RANBP9: variants seen among roughly 807,000 people sequenced by gnomAD.
The protein encoded by RANBP9 is ran-binding protein 9.
In RANBP9, 15 loss-of-function variants were observed where a neutral mutation model predicts 84.3. The ratio of observed to expected loss-of-function variants is 0.18; its 90% confidence interval spans 0.12 to 0.27. The LOEUF is 0.27. Ranked by LOEUF, RANBP9 falls within the 10% of genes least tolerant of loss-of-function variation. RANBP9 has a pLI of 1.00. For missense variants in RANBP9, 809 were observed against 912.8 expected (o/e 0.89, Z 1.46); for synonymous variants, 392 against 349.6 (o/e 1.12, Z -1.35).
In RANBP9 at chr6:13,707,536, C is replaced by T. The variant is rs148685970; in HGVS notation, c.571+3399G>A. On this transcript the variant is annotated intron_variant, in intron 1 of 13. Coordinates refer to ENST00000011619, the MANE Select transcript of RANBP9 (RefSeq NM_005493.3). ...TTTTATCTACTTGAGATAATTAAGTCTCATATGAACTTAAAGAGGCAATAC... is the reference window on the plus strand; with the variant it reads ...TTTTATCTACTTGAGATAATTAAGTTTCATATGAACTTAAAGAGGCAATAC... Among the ~76,000 whole-genome samples, 502 of 152,198 alleles carry T rather than the reference C, an allele frequency of 3.3e-3. 8 individuals carry two copies. Among genetic ancestry groups the T allele is most frequent in the African/African-American group, 0.011 (467 of 41,530 alleles).
At chr6:13,698,051 C>T (rs918276339) in intron 1 of RANBP9, among the ~76,000 whole-genome samples, 1 of 152,154 alleles carries the variant, frequency 6.6e-6, no homozygotes, top group Non-Finnish European at 1.5e-5. Context: ...CCTTACCACA[C>T]ACTTGACCAA....
At chr6:13,669,178 G>A (rs1014999236) in intron 2 of RANBP9, among the ~76,000 whole-genome samples, 1 of 151,980 alleles carries the variant, frequency 6.6e-6, no homozygotes, top group African/African-American at 2.4e-5. Flanking sequence ...CAAAAGAAGT[G>A]TGAAATCTGA....
At chr6:13,646,027 G>A (rs1242202718) in intron 5 of RANBP9, among the ~76,000 whole-genome samples, 2 of 152,164 alleles carry the variant, frequency 1.3e-5, no homozygotes, top group African/African-American at 4.8e-5. Flanking sequence ...AATCAACAGA[G>A]CTAACAAGTT....
At chr6:13,644,300 T>C (rs1189237051) in intron 6 of RANBP9, among the ~76,000 whole-genome samples, 1 of 152,228 alleles carries the variant, frequency 6.6e-6, no homozygotes, top group Non-Finnish European at 1.5e-5. Context: ...CCTAACATCA[T>C]TTTATTTCCT....
At chr6:13,684,542 G>A (rs565667367) in intron 2 of RANBP9, among the ~76,000 whole-genome samples, 1 of 152,256 alleles carries the variant, frequency 6.6e-6, no homozygotes, top group African/African-American at 2.4e-5. Context: ...TCTCTAACCA[G>A]CTGGGTATAT....
rs1234363613 is a variant in RANBP9, at chr6:13,638,056, C to T, written c.1526-101G>A. 12 of 1,090,508 alleles carry T rather than the reference C, an allele frequency of 1.1e-5. No homozygotes were observed. In the South Asian group the frequency reaches 1.3e-4, roughly 12 times the overall value. The allele number at this position is 1,090,508 out of a possible 1,614,324, so 67.6% of individuals were successfully genotyped here. A position where few individuals can be genotyped will look rare whatever the true frequency, so the allele number is the denominator to read the frequency against. ...TGATTTTGTACTAAGACTTCTAGAA[C>T]GTAGGAGAGTCAATGGATGATGTAA... On this transcript the variant is annotated intron_variant, in intron 9 of 13. Coordinates refer to ENST00000011619, the MANE Select transcript of RANBP9 (RefSeq NM_005493.3).
At chr6:13,666,351 C>T (rs1357536292) in intron 2 of RANBP9, among the ~76,000 whole-genome samples, 1 of 151,898 alleles carries the variant, frequency 6.6e-6, no homozygotes, top group Non-Finnish European at 1.5e-5. Context: ...TATACAAAAT[C>T]ATGCAATAAA....
At chr6:13,702,441 T>G (rs1249002682) in intron 1 of RANBP9, among the ~76,000 whole-genome samples, 1 of 152,198 alleles carries the variant, frequency 6.6e-6, no homozygotes, top group Non-Finnish European at 1.5e-5. Context: ...TAATCAATTT[T>G]ATTTGTTAAA....
At chr6:13,659,990 CAG>C (rs771873273) in intron 2 of RANBP9, among the ~76,000 whole-genome samples, 6 of 152,142 alleles carry the variant, frequency 3.9e-5, no homozygotes, top group Non-Finnish European at 7.4e-5. Context: ...TAGAAAACCA[CAG>C]AATCTACCAA....
At chr6:13,636,595 T>C (rs1016365012) in intron 10 of RANBP9, among the ~76,000 whole-genome samples, 1 of 148,272 alleles carries the variant, frequency 6.7e-6, no homozygotes, top group African/African-American at 2.6e-5. Flanking sequence ...TGATCAATGA[T>C]AAAGTACCAA....
At chr6:13,692,175 C>T (rs1766334751) in intron 2 of RANBP9, among the ~76,000 whole-genome samples, 1 of 151,572 alleles carries the variant, frequency 6.6e-6, no homozygotes, top group African/African-American at 2.4e-5. Context: ...CTTCCAAAAA[C>T]AATGGGCTGG....
chr6:13,699,840 A>G (rs1004778514), intron 1 of RANBP9, among the ~76,000 whole-genome samples: 4 of 152,218 alleles, frequency 2.6e-5, no homozygotes, highest in Non-Finnish European at 5.9e-5. Context: ...AGCCTGAGCA[A>G]TAGAGTGAGA....
intron 2 of RANBP9, among the ~76,000 whole-genome samples, chr6:13,688,982 C>CG (rs1766261282): frequency 3.3e-5 from 1 of 29,958 alleles, no homozygotes; most frequent in Non-Finnish European, 7.3e-5. Context: ...CCCATCTCCA[C>CG]AAAAAAAAAA....
Position 13,708,961 on chromosome 6 carries a change from A to G in RANBP9, c.571+1974T>C, listed in dbSNP as rs143401133. ...AAGAGAGGAAAAATAAAAGGATAAC[A>G]ACAAAATCTGTTCTTCCAGAAATAA... On this transcript the variant is annotated intron_variant, in intron 1 of 13. Transcript: ENST00000011619. Among the ~76,000 whole-genome samples, 474 of 152,330 alleles carry G rather than the reference A, an allele frequency of 3.1e-3. 2 individuals carry two copies. The highest frequency in any genetic ancestry group is 0.011 in the African/African-American group (461 of 41,564).
At chr6:13,637,403 G>T (rs1486386967) in intron 10 of RANBP9, among the ~76,000 whole-genome samples, 1 of 152,114 alleles carries the variant, frequency 6.6e-6, no homozygotes, top group Non-Finnish European at 1.5e-5. Context: ...CACACACAGA[G>T]AAAAAATCAG....
chr6:13,631,785 CTG>C (rs1417085552), intron 12 of RANBP9, among the ~76,000 whole-genome samples: 13 of 152,250 alleles, frequency 8.5e-5, no homozygotes, highest in African/African-American at 2.7e-4. Context: ...GTACACAAAA[CTG>C]TGGCTACTTT....
chr6:13,663,457 C>A (rs997845145), intron 2 of RANBP9, among the ~76,000 whole-genome samples: 1 of 151,858 alleles, frequency 6.6e-6, no homozygotes, highest in African/African-American at 2.4e-5. Flanking sequence ...CTCTTTAAAG[C>A]AAAAATGGTA....
chr6:13,622,484 T>G lies in RANBP9; in HGVS notation c.2068A>C (p.Asn690His). ...ALNSAILETH[N>H]LPKQPPLALA... is the part of the protein sequence containing the mutation. ...GCAAGTGGAGGTTGCTTTGGCAGAT[T>G]GTGGGTTTCTGAGGAAAAATAATTT... The change falls in exon 14 of 14, where the codon AAT (asparagine) becomes CAT (histidine). Residue 690 changes from asparagine (N) to histidine (H), a missense_variant. Physicochemically the swap from Asn to His is moderately conservative, Grantham distance 68 (BLOSUM62 1). Transcript: ENST00000011619. The G allele has an allele frequency of 6.4e-7, 1 of 1,565,912 alleles. No homozygotes were observed. Among genetic ancestry groups the G allele is most frequent in the Non-Finnish European group, 8.6e-7 (1 of 1,159,092 alleles).
intron 2 of RANBP9, among the ~76,000 whole-genome samples, chr6:13,686,469 G>A (rs953991285): frequency 6.6e-6 from 1 of 151,612 alleles, no homozygotes; most frequent in African/African-American, 2.4e-5. Context: ...ATTTTGGGTA[G>A]AGACAGGGTT....
Sources: gnomAD v4.1 joint callset for allele counts (sites outside exome capture counted in the v4.1 genomes callset) on GRCh38, gnomAD v4.1.1 for gene constraint, MANE v1.5 for transcripts, NCBI Gene and HGNC (gene_info 2026-07-23, HGNC 2026-07-21) for gene names.